CIMAP3: variants seen among roughly 807,000 people sequenced by gnomAD.
CIMAP3 encodes the protein ciliary microtubule-associated protein 3.
chr1:111,331,880 G>A, the CIMAP3 span, among the ~76,000 whole-genome samples: 1 of 152,018 alleles, frequency 6.6e-6, no homozygotes. Context: ...ATATGAATGG[G>A]TCTTGGGATG....
chr1:111,339,018 G>T, the CIMAP3 span, among the ~76,000 whole-genome samples: 15 of 152,264 alleles, frequency 9.9e-5, no homozygotes, highest in African/African-American at 3.6e-4. Flanking sequence ...GATCAAGTGG[G>T]CATCATCCCT....
the CIMAP3 span, among the ~76,000 whole-genome samples, chr1:111,333,335 G>A: frequency 1.1e-4 from 16 of 149,906 alleles, no homozygotes; most frequent in Admixed American, 5.3e-4. Flanking sequence ...AAGATGGAGC[G>A]CAGTGCTGGA....
chr1:111,344,236 G>GT, the CIMAP3 span, among the ~76,000 whole-genome samples: 1 of 152,200 alleles, frequency 6.6e-6, no homozygotes, highest in Non-Finnish European at 1.5e-5. Flanking sequence ...AACTGAATTG[G>GT]TGTAAAGCTG....
chr1:111,351,440 GC>G, the CIMAP3 span: 4 of 892,418 alleles, frequency 4.5e-6, no homozygotes, highest in African/African-American at 1.7e-5. Context: ...GCAGCCTGGA[GC>G]CCAGGGAGGG....
chr1:111,346,917 G>C, the CIMAP3 span: 1 of 1,613,686 alleles, frequency 6.2e-7, no homozygotes, highest in Non-Finnish European at 8.5e-7. Context: ...TAGACGCTGC[G>C]GATAACTACC....
the CIMAP3 span, chr1:111,347,002 C>G: frequency 3.7e-6 from 6 of 1,613,998 alleles, no homozygotes; most frequent in Non-Finnish European, 8.5e-7. Flanking sequence ...CAAGTTTGTC[C>G]CTCTTAGGGG....
At chr1:111,343,412 A>G in the CIMAP3 span, among the ~76,000 whole-genome samples, 1 of 152,196 alleles carries the variant, frequency 6.6e-6, no homozygotes. Flanking sequence ...TCATAAAGCT[A>G]TAACAGTCTC....
the CIMAP3 span, among the ~76,000 whole-genome samples, chr1:111,328,537 T>C: frequency 6.6e-6 from 1 of 152,236 alleles, no homozygotes; most frequent in African/African-American, 2.4e-5. Flanking sequence ...TGCTTCTGTA[T>C]TGGGTGCATA....
the CIMAP3 span, among the ~76,000 whole-genome samples, chr1:111,327,766 G>C: frequency 6.6e-6 from 1 of 151,732 alleles, no homozygotes; most frequent in African/African-American, 2.4e-5. Flanking sequence ...TATTAGTCTA[G>C]CTAGTGGCCT....
At chr1:111,346,768 C>G in the CIMAP3 span, 3 of 1,553,470 alleles carry the variant, frequency 1.9e-6, no homozygotes, top group East Asian at 6.7e-5. Context: ...CAGTTCGCCC[C>G]CCTCCAGGAG....
chr1:111,345,764 C>A, the CIMAP3 span, among the ~76,000 whole-genome samples: 1 of 152,096 alleles, frequency 6.6e-6, no homozygotes, highest in East Asian at 1.9e-4. Context: ...TCCTAAAAAT[C>A]GAGTGAAAAC....
chr1:111,329,561 T>A, the CIMAP3 span, among the ~76,000 whole-genome samples: 13 of 101,720 alleles, frequency 1.3e-4, no homozygotes, highest in Non-Finnish European at 1.8e-4. Flanking sequence ...ATATATATAA[T>A]TTTTTTTTTT....
At chr1:111,345,055 T>G in the CIMAP3 span, among the ~76,000 whole-genome samples, 78 of 152,366 alleles carry the variant, frequency 5.1e-4, 1 homozygote, top group Admixed American at 3.7e-3. Context: ...GAGGCCATAC[T>G]ATAAGCCTAG....
At chr1:111,348,198 G>T in the CIMAP3 span, 1 of 252,130 alleles carries the variant, frequency 4.0e-6, no homozygotes, top group Non-Finnish European at 7.6e-6. Flanking sequence ...TGACACTTGA[G>T]CTTAGGGAGC....
chr1:111,341,819 A>G, the CIMAP3 span, among the ~76,000 whole-genome samples: 2 of 152,188 alleles, frequency 1.3e-5, no homozygotes, highest in Admixed American at 1.3e-4. Flanking sequence ...ATCTATGTTA[A>G]TTTACTTTGG....
chr1:111,324,943 T>C, the CIMAP3 span: 1 of 894,310 alleles, frequency 1.1e-6, no homozygotes, highest in Non-Finnish European at 1.3e-6. Context: ...CTTTTAGCAT[T>C]GGAGTCTAAC....
the CIMAP3 span, among the ~76,000 whole-genome samples, chr1:111,338,955 A>G: frequency 2.0e-5 from 3 of 152,374 alleles, no homozygotes; most frequent in African/African-American, 7.2e-5. Context: ...AAAATCCTCA[A>G]TAAAATACTG....
the CIMAP3 span, among the ~76,000 whole-genome samples, chr1:111,336,563 G>C: frequency 6.6e-6 from 1 of 152,204 alleles, no homozygotes; most frequent in African/African-American, 2.4e-5. Context: ...AGAAGACTCA[G>C]GAGCCGATGC....
the CIMAP3 span, among the ~76,000 whole-genome samples, chr1:111,337,948 A>G: frequency 1.3e-5 from 2 of 150,266 alleles, no homozygotes; most frequent in African/African-American, 4.9e-5. Flanking sequence ...AGTTGGAAGT[A>G]AAGCTCTCCT....
Sources: allele counts gnomAD v4.1 joint callset (sites outside exome capture counted in the v4.1 genomes callset), GRCh38; gene constraint gnomAD v4.1.1; transcripts MANE v1.5; gene names NCBI Gene and HGNC (gene_info 2026-07-23, HGNC 2026-07-21).